The following TOM1L2 variants were observed in gnomAD, a reference collection of about 807,000 sequenced individuals.
The protein encoded by TOM1L2 is target of myb1 like 2 membrane trafficking protein.
Under a neutral mutation model 67.9 loss-of-function variants are expected in TOM1L2, and 31 were observed. That is an observed-to-expected ratio of 0.46 (90% confidence interval 0.34 to 0.62). The LOEUF (loss-of-function observed/expected upper bound fraction) is 0.62, where lower values mean the gene tolerates loss of function less well. Ranked by LOEUF, TOM1L2 falls within the 20% of genes least tolerant of loss-of-function variation. The pLI, the probability that TOM1L2 is intolerant of heterozygous loss-of-function variation, is 0.01. For synonymous variants in TOM1L2, 256 were observed against 254.0 expected, an observed-to-expected ratio of 1.01 and a Z score of -0.07; for missense variants, 606 against 663.5, an observed-to-expected ratio of 0.91 and a Z score of 0.95.
chr17:17,942,522 T>C (rs943889794), intron 1 of TOM1L2, among the ~76,000 whole-genome samples: 23 of 152,350 alleles, frequency 1.5e-4, no homozygotes, highest in South Asian at 1.2e-3. Flanking sequence ...TTACTAAGTA[T>C]TAAGATCTTA....
At chr17:17,850,638 G>A (rs1028452249) in intron 13 of TOM1L2, among the ~76,000 whole-genome samples, 3 of 152,238 alleles carry the variant, frequency 2.0e-5, no homozygotes, top group Non-Finnish European at 4.4e-5. Flanking sequence ...GGCTAGGACT[G>A]TGTGGGTGAA....
chr17:17,901,171 ATC>A (rs929226530), intron 2 of TOM1L2, among the ~76,000 whole-genome samples: 11 of 152,322 alleles, frequency 7.2e-5, no homozygotes, highest in African/African-American at 2.6e-4. Flanking sequence ...GCAAGTATTT[ATC>A]TCTCTCCCCG....
At chr17:17,875,479 A>G (rs1302265990) in intron 7 of TOM1L2, among the ~76,000 whole-genome samples, 1 of 152,094 alleles carries the variant, frequency 6.6e-6, no homozygotes, top group Non-Finnish European at 1.5e-5. Context: ...TAAGACACCC[A>G]AGAGCCTACT....
chr17:17,941,543 G>A (rs557660323), intron 1 of TOM1L2, among the ~76,000 whole-genome samples: 1 of 152,240 alleles, frequency 6.6e-6, no homozygotes, highest in East Asian at 1.9e-4. Context: ...TTAGAATAGG[G>A]ATTCCAAGCC....
At chr17:17,930,878 C>T (rs1455505192) in intron 1 of TOM1L2, among the ~76,000 whole-genome samples, 1 of 152,174 alleles carries the variant, frequency 6.6e-6, no homozygotes, top group Non-Finnish European at 1.5e-5. Flanking sequence ...TCCTTCCTTG[C>T]TGATTAAAGG....
intron 4 of TOM1L2, among the ~76,000 whole-genome samples, chr17:17,892,799 T>C (rs2038359433): frequency 6.6e-6 from 1 of 152,180 alleles, no homozygotes; most frequent in Admixed American, 6.5e-5. Flanking sequence ...AAAAATGGTA[T>C]GTGACTTCCA....
At chr17:17,910,441 A>C (rs1212455862) in intron 1 of TOM1L2, among the ~76,000 whole-genome samples, 3 of 152,166 alleles carry the variant, frequency 2.0e-5, no homozygotes, top group Admixed American at 2.0e-4. Context: ...TAAGTTATGG[A>C]TCTCAGCCCT....
At chr17:17,941,016 G>A (rs2040712641) in intron 1 of TOM1L2, among the ~76,000 whole-genome samples, 1 of 152,178 alleles carries the variant, frequency 6.6e-6, no homozygotes, top group South Asian at 2.1e-4. Flanking sequence ...CTGTTCTAGT[G>A]TTTTCTTAGG....
intron 7 of TOM1L2, among the ~76,000 whole-genome samples, chr17:17,877,912 C>A (rs1031129152): frequency 5.9e-5 from 9 of 152,034 alleles, no homozygotes; most frequent in South Asian, 2.1e-4. Flanking sequence ...CCCTCTCCCC[C>A]CAAAACACGA....
In TOM1L2 at chr17:17,913,074, G is replaced by A. The variant is rs577951815; in HGVS notation, c.53-5543C>T. 7.5e-3 allele frequency among the ~76,000 whole-genome samples: 1,137 copies of A among 151,684 alleles called. 14 individuals carry two copies. Among genetic ancestry groups the A allele is most frequent in the African/African-American group, 0.026 (1,089 of 41,486 alleles). On this transcript the variant is annotated intron_variant, in intron 1 of 14. Coordinates refer to ENST00000379504, the MANE Select transcript of TOM1L2 (RefSeq NM_001082968.2). ...TGGCAGCGGGTGCCTGCAATCGCAGGCACTCGGCAGGCTGAGGCAGGAGAA... is the reference window on the plus strand; with the variant it reads ...TGGCAGCGGGTGCCTGCAATCGCAGACACTCGGCAGGCTGAGGCAGGAGAA...
intron 1 of TOM1L2, among the ~76,000 whole-genome samples, chr17:17,912,791 G>A (rs1466019927): frequency 1.3e-5 from 2 of 152,140 alleles, no homozygotes; most frequent in Non-Finnish European, 2.9e-5. Flanking sequence ...GGTGGCGGCC[G>A]GGCAGAGGCT....
chr17:17,898,597 G>A lies in TOM1L2; in HGVS notation c.215C>T (p.Thr72Ile), dbSNP rs1388952005. Residue 72 changes from threonine (T) to isoleucine (I), a missense_variant and splice_region_variant, in exon 3 of 15, where the codon ACA (threonine) becomes ATA (isoleucine). By Grantham distance (89) the Thr-to-Ile change is moderately conservative (BLOSUM62 -1). Transcript: ENST00000379504. ...RNYREVMLAL[T>I]VLETCVKNCG... is the part of the protein sequence containing the mutation. ...CTCCTCAAGGAGAATAGCACTCACT[G>A]TTAATGCCAGCATCACCTCTCTGTA... 1.2e-6 allele frequency: 2 copies of A among 1,614,092 alleles called. No homozygotes were observed. The highest frequency in any genetic ancestry group is 1.1e-5 in the South Asian group (1 of 91,092).
chr17:17,893,893 C>T, intron 3 of TOM1L2, 83 bp from the exon 4 acceptor site: 1 of 1,414,654 alleles, frequency 7.1e-7, no homozygotes, highest in Non-Finnish European at 9.7e-7. Flanking sequence ...GCTGAGTTTC[C>T]ACCATCCCCT....
intron 6 of TOM1L2, among the ~76,000 whole-genome samples, chr17:17,881,283 T>G (rs1020406423): frequency 1.3e-5 from 2 of 152,118 alleles, no homozygotes; most frequent in African/African-American, 4.8e-5. Context: ...AGCCACCCAG[T>G]AGACTCTGAA....
At chr17:17,953,711 G>C (rs1003489621) in intron 1 of TOM1L2, among the ~76,000 whole-genome samples, 1 of 152,254 alleles carries the variant, frequency 6.6e-6, no homozygotes, top group Admixed American at 6.5e-5. Context: ...AGCACATAGG[G>C]TGTGTAGTGG....
At chr17:17,861,627 A>G in intron 11 of TOM1L2, 76 bp from the exon 12 acceptor site, 1 of 1,272,292 alleles carries the variant, frequency 7.9e-7, no homozygotes, top group South Asian at 1.2e-5. Context: ...GTGGCCTGTA[A>G]TCACTTCTAT....
intron 2 of TOM1L2, among the ~76,000 whole-genome samples, 194 bp from the exon 3 acceptor site, chr17:17,898,868 T>C (rs900728808): frequency 1.3e-5 from 2 of 152,218 alleles, no homozygotes; most frequent in African/African-American, 4.8e-5. Context: ...AATGGAATAC[T>C]ATGCAGCTGC....
chr17:17,903,965 TGG>T (rs2038974959), intron 2 of TOM1L2, among the ~76,000 whole-genome samples: 1 of 151,596 alleles, frequency 6.6e-6, no homozygotes, highest in South Asian at 2.1e-4. Flanking sequence ...GTCCAACTTG[TGG>T]GAGTTTCTTT....
intron 7 of TOM1L2, 125 bp from the exon 8 acceptor site, chr17:17,869,598 C>A: frequency 7.1e-7 from 1 of 1,417,378 alleles, no homozygotes; most frequent in Non-Finnish European, 9.2e-7. Context: ...TTCATAAAAC[C>A]AGACATGTGC....
Sources: gnomAD v4.1 joint callset for allele counts (sites outside exome capture counted in the v4.1 genomes callset) on GRCh38, gnomAD v4.1.1 for gene constraint, MANE v1.5 for transcripts, NCBI Gene and HGNC (gene_info 2026-07-23, HGNC 2026-07-21) for gene names.